The following TAOK3 variants were observed in gnomAD, a reference collection of about 807,000 sequenced individuals.
TAOK3 encodes serine/threonine-protein kinase TAO3.
TAOK3 carries 40 observed loss-of-function variants against 120.4 expected under a neutral mutation model. That is an observed-to-expected ratio of 0.33 (90% confidence interval 0.26 to 0.43). The LOEUF is 0.43. TAOK3 is among the 20% of genes least tolerant of loss of function. The probability of loss-of-function intolerance (pLI) is 1.00; values close to 1 mark genes in which losing one functional copy is unlikely to be tolerated. For synonymous variants in TAOK3, 355 were observed against 387.5 expected, an observed-to-expected ratio of 0.92 and a Z score of 0.99; for missense variants, 821 against 1,112.1, an observed-to-expected ratio of 0.74 and a Z score of 3.72.
chr12:118,172,138 CAAGT>C (rs2036031870), intron 17 of TAOK3, among the ~76,000 whole-genome samples: 1 of 152,206 alleles, frequency 6.6e-6, no homozygotes, highest in Non-Finnish European at 1.5e-5. Context: ...AAGTCCTTGA[CAAGT>C]AGGCTGAAAA....
Position 118,160,380 on chromosome 12 carries a change from G to T in TAOK3, c.2140-22C>A. The T allele has an allele frequency of 6.3e-7, 1 of 1,598,560 alleles. No homozygotes were observed. Among genetic ancestry groups the T allele is most frequent in the Non-Finnish European group, 8.6e-7 (1 of 1,168,442 alleles). On this transcript the variant is annotated intron_variant, in intron 18 of 20. Coordinates refer to ENST00000392533, the MANE Select transcript of TAOK3 (RefSeq NM_016281.4). The surrounding 1 kb of genome is among the most constrained non-coding windows in gnomAD (Gnocchi z 4.2). ...TGGCCTGGGTAGAAAAAGTGACAAA[G>T]GAAAAATAAAGGCACATCAGTAAAT... is the stretch of plus-strand genomic sequence containing the variant.
chr12:118,336,969 AGAAT>A (rs2044394369), intron 1 of TAOK3, among the ~76,000 whole-genome samples: 1 of 152,216 alleles, frequency 6.6e-6, no homozygotes, highest in Non-Finnish European at 1.5e-5. Flanking sequence ...CGGAGGCATG[AGAAT>A]CGCTTCAACC....
intron 3 of TAOK3, chr12:118,246,192 G>T: frequency 7.1e-7 from 1 of 1,410,288 alleles, no homozygotes; most frequent in Non-Finnish European, 9.7e-7. Context: ...CCGGGGCCGG[G>T]GTCGCGGCCG....
In TAOK3 at chr12:118,372,771, T is replaced by G. The variant is rs2045940587; in HGVS notation, c.-317A>C. 2.0e-5 allele frequency: 3 copies of G among 152,644 alleles called. No individual in the cohort carries two copies. 9.5% of individuals were successfully genotyped at this position (152,644 alleles called of 1,614,324 possible). A position where few individuals can be genotyped will look rare whatever the true frequency, so the allele number is the denominator to read the frequency against. On this transcript the variant is annotated 5_prime_UTR_variant, in exon 1 of 21. Transcript: ENST00000392533. The surrounding 1 kb of genome is among the most constrained non-coding windows in gnomAD (Gnocchi z 4.6). ...CGGATCCTTGGGTCCGGTCGCTGAG[T>G]GCCGGATCCGGCTGTGCGCAGCCTC...
intron 1 of TAOK3, among the ~76,000 whole-genome samples, chr12:118,331,333 G>A (rs1207006795): frequency 6.6e-6 from 1 of 151,994 alleles, no homozygotes; most frequent in East Asian, 1.9e-4. Context: ...GTGACTTTGG[G>A]CCCACTGCTT....
intron 1 of TAOK3, among the ~76,000 whole-genome samples, chr12:118,295,649 T>C (rs1464142510): frequency 6.6e-6 from 1 of 152,180 alleles, no homozygotes; most frequent in Non-Finnish European, 1.5e-5. Context: ...CTGAAACAGT[T>C]TCTCAATAAA....
intron 1 of TAOK3, among the ~76,000 whole-genome samples, chr12:118,355,538 TA>T (rs2045355034): frequency 6.6e-6 from 1 of 152,200 alleles, no homozygotes; most frequent in African/African-American, 2.4e-5. Context: ...TTGGAATGGG[TA>T]GTACACAATG....
chr12:118,239,334 A>G, intron 5 of TAOK3, 62 bp from the exon 6 acceptor site: 1 of 914,926 alleles, frequency 1.1e-6, no homozygotes, highest in Non-Finnish European at 1.7e-6. Context: ...GCTGAAACCA[A>G]CTAAACAACC....
At chr12:118,310,743 G>A (rs1354597208) in intron 1 of TAOK3, among the ~76,000 whole-genome samples, 2 of 152,042 alleles carry the variant, frequency 1.3e-5, no homozygotes, top group African/African-American at 4.8e-5. Flanking sequence ...GGTGATGTTG[G>A]TAGCTTTTTT....
At chr12:118,331,461 A>G (rs2044143144) in intron 1 of TAOK3, among the ~76,000 whole-genome samples, 1 of 152,166 alleles carries the variant, frequency 6.6e-6, no homozygotes, top group South Asian at 2.1e-4. Flanking sequence ...CCTGGCCAAC[A>G]TGATGAAACC....
intron 4 of TAOK3, among the ~76,000 whole-genome samples, chr12:118,244,097 C>T (rs2040371743): frequency 6.6e-6 from 1 of 152,200 alleles, no homozygotes; most frequent in African/African-American, 2.4e-5. Context: ...TTTTCCTTTT[C>T]AGGCACCCAG....
At chr12:118,162,950 C>A (rs2035318995) in intron 17 of TAOK3, among the ~76,000 whole-genome samples, 1 of 152,162 alleles carries the variant, frequency 6.6e-6, no homozygotes, top group South Asian at 2.1e-4. Flanking sequence ...ATTTATTAAA[C>A]CATGACTTCT....
intron 1 of TAOK3, among the ~76,000 whole-genome samples, chr12:118,300,447 AG>A (rs1347569969): frequency 5.3e-5 from 8 of 152,272 alleles, no homozygotes; most frequent in African/African-American, 1.9e-4. Flanking sequence ...TTTGTGTGGG[AG>A]GATTGGGTGT....
At chr12:118,364,306 G>A (rs1188736626) in intron 1 of TAOK3, among the ~76,000 whole-genome samples, 1 of 152,068 alleles carries the variant, frequency 6.6e-6, no homozygotes, top group Non-Finnish European at 1.5e-5. Flanking sequence ...ACGAAAAGGA[G>A]ACTGGAAAAT....
chr12:118,301,523 G>C (rs2042878439), intron 1 of TAOK3, among the ~76,000 whole-genome samples: 1 of 152,070 alleles, frequency 6.6e-6, no homozygotes, highest in African/African-American at 2.4e-5. Context: ...TACATCTGCA[G>C]TCATTAAAGC....
chr12:118,196,788 T>G (rs1444754905), intron 13 of TAOK3, among the ~76,000 whole-genome samples: 1 of 152,206 alleles, frequency 6.6e-6, no homozygotes, highest in Non-Finnish European at 1.5e-5. Flanking sequence ...CCTGCCTTCT[T>G]TTTGGTTTTG....
chr12:118,300,048 A>G (rs944294009), intron 1 of TAOK3, among the ~76,000 whole-genome samples: 1 of 152,138 alleles, frequency 6.6e-6, no homozygotes, highest in Non-Finnish European at 1.5e-5. Context: ...GGCAAGAGCC[A>G]TTTTCACGAG....
intron 1 of TAOK3, among the ~76,000 whole-genome samples, chr12:118,283,453 C>T (rs539142548): frequency 1.3e-4 from 20 of 152,188 alleles, no homozygotes; most frequent in Admixed American, 2.0e-4. Flanking sequence ...CACAATTGGC[C>T]GAGCACAGTG....
chr12:118,369,004 G>GAAAAAAAA (rs975694288), intron 1 of TAOK3, among the ~76,000 whole-genome samples: 6 of 69,364 alleles, frequency 8.7e-5, no homozygotes, highest in Non-Finnish European at 1.4e-4. Flanking sequence ...ACTAAAAATA[G>GAAAAAAAA]AAAAAAAAAA....
Sources: gnomAD v4.1 joint callset for allele counts (sites outside exome capture counted in the v4.1 genomes callset) on GRCh38, gnomAD v4.1.1 for gene constraint, Gnocchi (gnomAD v3.1) non-coding constraint, MANE v1.5 for transcripts, NCBI Gene and HGNC (gene_info 2026-07-23, HGNC 2026-07-21) for gene names.